JPH3: variants seen among roughly 807,000 people sequenced by gnomAD.
JPH3 encodes the protein junctophilin-3.
A neutral mutation model predicts 59.6 loss-of-function variants in JPH3; 11 were observed. The observed-to-expected ratio is 0.18, with a 90% confidence interval of 0.12 to 0.31. The LOEUF is 0.31. Ranked by LOEUF, JPH3 falls within the 10% of genes least tolerant of loss-of-function variation. The probability of loss-of-function intolerance (pLI) is 1.00; values close to 1 mark genes in which losing one functional copy is unlikely to be tolerated. For synonymous variants in JPH3, 673 were observed against 483.6 expected, an observed-to-expected ratio of 1.39 and a Z score of -5.14; for missense variants, 1,202 against 1,105.7, an observed-to-expected ratio of 1.09 and a Z score of -1.24.
chr16:87,652,645 G>T (rs1358652647), intron 2 of JPH3, among the ~76,000 whole-genome samples: 1 of 152,204 alleles, frequency 6.6e-6, no homozygotes, highest in Non-Finnish European at 1.5e-5. Flanking sequence ...GCTGGGGTCA[G>T]CCCCCGTCTG....
intron 2 of JPH3, among the ~76,000 whole-genome samples, chr16:87,669,865 G>A (rs577512614): frequency 6.6e-6 from 1 of 152,232 alleles, no homozygotes; most frequent in Admixed American, 6.5e-5. Context: ...GGGACCGGAG[G>A]AGCAGAGAGG....
intron 2 of JPH3, among the ~76,000 whole-genome samples, chr16:87,680,240 C>T (rs8043874): frequency 0.052 from 7,969 of 152,372 alleles, 245 homozygotes; most frequent in Middle Eastern, 0.085. Context: ...CGCTTTGCTC[C>T]AGTGATCCCT....
intron 1 of JPH3, among the ~76,000 whole-genome samples, chr16:87,617,036 C>T (rs2030997831): frequency 6.6e-6 from 1 of 152,124 alleles, no homozygotes; most frequent in Non-Finnish European, 1.5e-5. Context: ...ACCAGCCTGG[C>T]CAACATGGTG....
rs566027477 is a variant in JPH3 at position 87,689,765 on chromosome 16, G to A, written c.1405G>A (p.Asp469Asn). ...ELYRKGTTPS[D>N]LTPDDSPLQS... is the part of the protein sequence containing the mutation. Reference sequence around the variant, plus strand: ...GTACCGCAAGGGCACCACTCCCTCCGACCTGACCCCCGACGACAGCCCCCT... The same window carrying A: ...GTACCGCAAGGGCACCACTCCCTCCAACCTGACCCCCGACGACAGCCCCCT... Residue 469 changes from aspartate to asparagine, a missense_variant, in exon 4 of 5, where the codon GAC becomes AAC. Asp to Asn is a conservative substitution (Grantham distance 23, BLOSUM62 1). Coordinates refer to ENST00000284262, the MANE Select transcript of JPH3 (RefSeq NM_020655.4). The A allele has an allele frequency of 1.9e-6, 3 of 1,611,246 alleles. No individual in the cohort carries two copies. The highest frequency in any genetic ancestry group is 1.7e-5 in the Admixed American group (1 of 59,910).
At chr16:87,648,381 G>T (rs2032222086) in intron 2 of JPH3, among the ~76,000 whole-genome samples, 1 of 152,210 alleles carries the variant, frequency 6.6e-6, no homozygotes, top group Non-Finnish European at 1.5e-5. Flanking sequence ...GTGGGCTGAG[G>T]AGTGACTGGC....
intron 2 of JPH3, among the ~76,000 whole-genome samples, chr16:87,664,192 G>A (rs1247633675): frequency 4.6e-5 from 7 of 152,106 alleles, no homozygotes; most frequent in East Asian, 3.9e-4. Context: ...TTAGCTGGGC[G>A]TGGTGGAAGG....
chr16:87,639,337 C>T (rs1180689999), intron 1 of JPH3, among the ~76,000 whole-genome samples: 2 of 152,162 alleles, frequency 1.3e-5, no homozygotes, highest in East Asian at 1.9e-4. Context: ...CTAGCCCCTT[C>T]CTGACCCCAG....
chr16:87,603,231 G>C lies in JPH3; in HGVS notation c.85G>C (p.Val29Leu). ...WEDGKAHGHGVCTGPKGQGEY... is the reference protein window; with the variant it reads ...WEDGKAHGHGLCTGPKGQGEY... The stretch of plus-strand genomic sequence containing the variant: ...GGACGGCAAGGCGCACGGCCATGGC[G>C]TCTGCACCGGCCCCAAGGGCCAAGG... The change falls in exon 1 of 5, where the codon GTC becomes CTC. Residue 29 changes from valine to leucine, a missense_variant. By Grantham distance (32) the Val-to-Leu change is conservative (BLOSUM62 1). Transcript: ENST00000284262. 1 of 1,613,886 alleles carries C rather than the reference G, an allele frequency of 6.2e-7. No individual in the cohort carries two copies. The highest frequency in any genetic ancestry group is 8.5e-7 in the Non-Finnish European group (1 of 1,179,940).
chr16:87,615,696 G>T (rs954641229), intron 1 of JPH3, among the ~76,000 whole-genome samples: 3 of 152,214 alleles, frequency 2.0e-5, no homozygotes, highest in African/African-American at 7.2e-5. Flanking sequence ...GCCCAGAAGG[G>T]AGCCCAGGAA....
intron 1 of JPH3, among the ~76,000 whole-genome samples, chr16:87,607,884 C>A (rs1229471307): frequency 6.6e-6 from 1 of 152,250 alleles, no homozygotes; most frequent in Non-Finnish European, 1.5e-5. Context: ...CTCCGAGATT[C>A]TCTTTCCGCT....
intron 2 of JPH3, among the ~76,000 whole-genome samples, chr16:87,657,776 CG>C (rs1182195849): frequency 6.6e-6 from 1 of 152,126 alleles, no homozygotes; most frequent in Non-Finnish European, 1.5e-5. Context: ...GGAGTTGCCC[CG>C]AGGACTGTGC....
At chr16:87,628,293 G>A (rs373310329) in intron 1 of JPH3, among the ~76,000 whole-genome samples, 9 of 152,380 alleles carry the variant, frequency 5.9e-5, no homozygotes, top group African/African-American at 2.2e-4. Flanking sequence ...CCCAGGACAA[G>A]CCAGCCCTCA....
At chr16:87,648,398 C>T (rs901435480) in intron 2 of JPH3, among the ~76,000 whole-genome samples, 4 of 152,158 alleles carry the variant, frequency 2.6e-5, no homozygotes, top group Non-Finnish European at 4.4e-5. Flanking sequence ...TGGCCCCGGG[C>T]GGGCTCCTGC....
intron 2 of JPH3, among the ~76,000 whole-genome samples, chr16:87,659,182 T>G (rs1258705533): frequency 2.0e-5 from 3 of 152,080 alleles, no homozygotes; most frequent in South Asian, 4.2e-4. Context: ...GAGACCAGCC[T>G]GGCCAACATG....
At chr16:87,653,985 G>C (rs1316497555) in intron 2 of JPH3, 1 of 152,262 alleles carries the variant, frequency 6.6e-6, no homozygotes, top group East Asian at 1.9e-4. Flanking sequence ...TGGCAGAGTG[G>C]CAGTCTGATC....
chr16:87,696,001 C>T, intron 4 of JPH3: 1 of 456,006 alleles, frequency 2.2e-6, no homozygotes, highest in East Asian at 7.0e-5. Flanking sequence ...AGGCAGCTCG[C>T]AATTGGACAC....
At chr16:87,624,646 G>A (rs61560456) in intron 1 of JPH3, among the ~76,000 whole-genome samples, 11 of 152,346 alleles carry the variant, frequency 7.2e-5, no homozygotes, top group African/African-American at 2.4e-4. Context: ...TTTCCACCTG[G>A]GGGCTATCCT....
chr16:87,639,787 A>T (rs1336478001), intron 1 of JPH3, among the ~76,000 whole-genome samples: 2 of 152,182 alleles, frequency 1.3e-5, no homozygotes, highest in Non-Finnish European at 2.9e-5. Flanking sequence ...AGCCTGGCTT[A>T]TTCCACTGCA....
intron 3 of JPH3, 106 bp from the exon 4 acceptor site, chr16:87,689,540 C>A: frequency 8.1e-7 from 1 of 1,233,826 alleles, no homozygotes. Context: ...TGGGAAGCGC[C>A]TCTGCTGCCC....
Sources: gnomAD v4.1 joint callset for allele counts (sites outside exome capture counted in the v4.1 genomes callset) on GRCh38, gnomAD v4.1.1 for gene constraint, MANE v1.5 for transcripts, NCBI Gene and HGNC (gene_info 2026-07-23, HGNC 2026-07-21) for gene names.